RASA1: variants seen among roughly 807,000 people sequenced by gnomAD.
RASA1 encodes the protein ras GTPase-activating protein 1.
Under a neutral mutation model 132.2 loss-of-function variants are expected in RASA1, and 25 were observed. The ratio of observed to expected loss-of-function variants is 0.19; its 90% CI spans 0.14 to 0.26. RASA1 has a LOEUF of 0.26. Ranked by LOEUF, RASA1 falls within the 10% of genes least tolerant of loss-of-function variation. The pLI, the probability that RASA1 is intolerant of heterozygous loss-of-function variation, is 1.00. For missense variants in RASA1, 964 were observed against 1,299.2 expected, an observed-to-expected ratio of 0.74 and a Z score of 3.97; for synonymous variants, 477 against 449.9, an observed-to-expected ratio of 1.06 and a Z score of -0.76.
chr5:87,274,654 T>A (rs1753989613), intron 1 of RASA1, among the ~76,000 whole-genome samples: 1 of 152,118 alleles, frequency 6.6e-6, no homozygotes, highest in African/African-American at 2.4e-5. Context: ...TGATTCAGGC[T>A]AGGTTAAGAT....
chr5:87,383,965 T>G (rs1761902536), intron 21 of RASA1, among the ~76,000 whole-genome samples, 185 bp downstream of exon 21: 1 of 152,062 alleles, frequency 6.6e-6, no homozygotes, highest in Non-Finnish European at 1.5e-5. Flanking sequence ...TTCTTTTTGT[T>G]TCTTTTCTTC....
rs1328088444 is a variant in RASA1 at position 87,338,530 on chromosome 5, TATAAA to T, written c.1017+442_1017+446del. 6.6e-4 allele frequency among the ~76,000 whole-genome samples: 64 copies of T among 97,504 alleles called. 4 individuals are homozygous for T. The highest frequency in any genetic ancestry group is 3.2e-3 in the East Asian group (9 of 2,820). The allele number at this position is 97,504 out of a possible 152,430, so 64.0% of individuals were successfully genotyped here. On this transcript the variant is annotated intron_variant, in intron 5 of 24. Coordinates refer to ENST00000274376, the MANE Select transcript of RASA1 (RefSeq NM_002890.3). ...ATATATATATATATATATATATATA[TATAAA>T]ATTTTTTTTTTTTTTAAGTAGAAAT...
intron 1 of RASA1, among the ~76,000 whole-genome samples, chr5:87,293,802 T>C (rs1360243592): frequency 1.3e-5 from 2 of 152,330 alleles, no homozygotes; most frequent in Non-Finnish European, 1.5e-5. Context: ...TGGCAGATTA[T>C]GTTTTTTAAG....
chr5:87,303,544 A>G (rs1348397432), intron 1 of RASA1, among the ~76,000 whole-genome samples: 1 of 152,106 alleles, frequency 6.6e-6, no homozygotes, highest in Non-Finnish European at 1.5e-5. Flanking sequence ...CTTCACTAGC[A>G]TATTGTGAAG....
At chr5:87,303,114 C>A (rs971101381) in intron 1 of RASA1, among the ~76,000 whole-genome samples, 17 of 151,988 alleles carry the variant, frequency 1.1e-4, no homozygotes, top group African/African-American at 4.1e-4. Flanking sequence ...CACTTCTGTC[C>A]CATTAGTCTA....
chr5:87,286,297 A>C (rs1378303634), intron 1 of RASA1, among the ~76,000 whole-genome samples: 1 of 151,912 alleles, frequency 6.6e-6, no homozygotes, highest in African/African-American at 2.4e-5. Flanking sequence ...TATTTCCTTT[A>C]CTTTGATTCA....
chr5:87,378,531 C>T lies in RASA1; in HGVS notation c.2480C>T (p.Ser827Phe). Residue 827 changes from serine (S) to phenylalanine (F), a missense_variant, in exon 18 of 25, where the codon TCT (serine) becomes TTT (phenylalanine). Transcript: ENST00000274376. ...TTAAAGATAATGGAAAGCAAGCAGTCTTGTGAGGTAAGAATTTAATGTTTT... is the reference window on the plus strand; with the variant it reads ...TTAAAGATAATGGAAAGCAAGCAGTTTTGTGAGGTAAGAATTTAATGTTTT... ...SILKIMESKQ[S>F]CELSPSKLEK... The T allele has an allele frequency of 6.2e-7, 1 of 1,607,836 alleles. No individual in the cohort carries two copies.
chr5:87,287,802 C>T (rs866789822), intron 1 of RASA1, among the ~76,000 whole-genome samples: 1 of 142,942 alleles, frequency 7.0e-6, no homozygotes, highest in African/African-American at 2.6e-5. Flanking sequence ...TATATATACA[C>T]ACCATATATA....
chr5:87,307,486 CA>C (rs1561269243), intron 1 of RASA1, among the ~76,000 whole-genome samples: 3 of 152,132 alleles, frequency 2.0e-5, no homozygotes, highest in Non-Finnish European at 4.4e-5. Context: ...ACAACAACAA[CA>C]ACAACACAAA....
chr5:87,345,479 C>T (rs940769383), intron 6 of RASA1, among the ~76,000 whole-genome samples: 2 of 152,058 alleles, frequency 1.3e-5, no homozygotes, highest in Non-Finnish European at 2.9e-5. Context: ...GTCATTTAGC[C>T]TATACTTGAA....
chr5:87,324,562 A>C (rs906094180), intron 1 of RASA1, among the ~76,000 whole-genome samples: 2 of 152,176 alleles, frequency 1.3e-5, no homozygotes, highest in African/African-American at 4.8e-5. Context: ...GGATTCTGTA[A>C]ATATGTTACC....
chr5:87,283,290 T>C (rs1360061342), intron 1 of RASA1, among the ~76,000 whole-genome samples: 2 of 151,960 alleles, frequency 1.3e-5, no homozygotes, highest in African/African-American at 4.8e-5. Context: ...TTTTTAATGA[T>C]AGCTGATTGA....
intron 5 of RASA1, among the ~76,000 whole-genome samples, 191 bp downstream of exon 5, chr5:87,338,282 G>A (rs1758124773): frequency 6.6e-6 from 1 of 151,666 alleles, no homozygotes; most frequent in African/African-American, 2.4e-5. Context: ...ATACATAGCT[G>A]CCAATATTCA....
At chr5:87,389,549 T>C in intron 24 of RASA1, 22 bp downstream of exon 24, 1 of 1,612,570 alleles carries the variant, frequency 6.2e-7, no homozygotes, top group Non-Finnish European at 8.5e-7. Flanking sequence ...CCAGCCTTCA[T>C]TAACAATGAT....
chr5:87,356,106 AAACTT>A (rs1220232476), intron 9 of RASA1, among the ~76,000 whole-genome samples: 1 of 152,208 alleles, frequency 6.6e-6, no homozygotes, highest in African/African-American at 2.4e-5. Context: ...AATATTCTAT[AAACTT>A]AACTTGATAA....
At chr5:87,378,347 A>C (rs1220124134) in intron 17 of RASA1, 49 bp from the exon 18 acceptor site, 1 of 1,598,020 alleles carries the variant, frequency 6.3e-7, no homozygotes, top group Admixed American at 1.7e-5. Flanking sequence ...ATTTGGTCAC[A>C]TTAGGTCAGT....
chr5:87,366,231 A>C (rs1219904483), intron 11 of RASA1: 2 of 205,920 alleles, frequency 9.7e-6, no homozygotes, highest in African/African-American at 4.5e-5. Context: ...AAAATGATTC[A>C]CTAATGATAC....
chr5:87,337,599 A>G (rs1055312288), intron 4 of RASA1, among the ~76,000 whole-genome samples: 3 of 152,132 alleles, frequency 2.0e-5, no homozygotes, highest in Non-Finnish European at 4.4e-5. Context: ...CTGAAAGAGT[A>G]ATAACATTGA....
At chr5:87,377,400 G>A (rs995264897) in intron 17 of RASA1, among the ~76,000 whole-genome samples, 5 of 152,056 alleles carry the variant, frequency 3.3e-5, no homozygotes, top group African/African-American at 1.2e-4. Context: ...GCGCAGTCTC[G>A]GCTCACTGCA....
Sources: gnomAD v4.1 joint callset for allele counts (sites outside exome capture counted in the v4.1 genomes callset) on GRCh38, gnomAD v4.1.1 for gene constraint, MANE v1.5 for transcripts, NCBI Gene and HGNC (gene_info 2026-07-23, HGNC 2026-07-21) for gene names.